The following ADRA1B variants were observed in gnomAD, a reference collection of about 807,000 sequenced individuals.
The protein encoded by ADRA1B is adrenoceptor alpha 1B, also known as alpha-1B adrenergic receptor.
ADRA1B carries 17 observed loss-of-function variants against 17.9 expected under a neutral mutation model. The observed-to-expected ratio is 0.95, with a 90% CI of 0.65 to 1.42. The LOEUF (loss-of-function observed/expected upper bound fraction) is 1.42, where lower values mean the gene tolerates loss of function less well. Among genes scored for constraint, ADRA1B ranks in the 40% most tolerant of loss-of-function variants. The pLI is 0.00. For synonymous variants in ADRA1B, 366 were observed against 327.6 expected (o/e 1.12, Z -1.27); for missense variants, 681 against 722.1 (o/e 0.94, Z 0.65).
chr5:159,958,569 T>C (rs1187879727), intron 1 of ADRA1B, among the ~76,000 whole-genome samples: 1 of 152,226 alleles, frequency 6.6e-6, no homozygotes, highest in Non-Finnish European at 1.5e-5. Flanking sequence ...ATTTTTCTCA[T>C]GGTTATTCTT....
intron 1 of ADRA1B, among the ~76,000 whole-genome samples, chr5:159,879,363 C>G (rs951833548): frequency 6.6e-6 from 1 of 152,140 alleles, no homozygotes; most frequent in African/African-American, 2.4e-5. Flanking sequence ...CAGCAACAGG[C>G]GCCTGCCTGT....
chr5:159,916,426 CT>C (rs1754305046), upstream of ADRA1B: 1 of 151,878 alleles, frequency 6.6e-6, no homozygotes, highest in Non-Finnish European at 1.5e-5. Context: ...GCATTGCCCC[CT>C]AGTGCCGCGC....
At chr5:159,939,322 TGC>T (rs542707574) in intron 1 of ADRA1B, among the ~76,000 whole-genome samples, 294 of 107,624 alleles carry the variant, frequency 2.7e-3, no homozygotes, top group Non-Finnish European at 4.5e-3. Context: ...TGTGTGTGTG[TGC>T]GCGCGCGCGC....
chr5:159,938,760 C>A (rs192269549), intron 1 of ADRA1B, among the ~76,000 whole-genome samples: 5 of 152,326 alleles, frequency 3.3e-5, no homozygotes, highest in South Asian at 2.1e-4. Flanking sequence ...TTTCACTGGG[C>A]AAGCTGCTTG....
the ADRA1B span, among the ~76,000 whole-genome samples, chr5:159,981,248 T>G: frequency 6.6e-6 from 1 of 152,126 alleles, no homozygotes; most frequent in African/African-American, 2.4e-5. Context: ...GGGTGGGCAC[T>G]TTTTGCAAAT....
rs780501117 is a variant in ADRA1B, at chr5:159,917,355, T to C, written c.450T>C (p.Ser150=). 1.2e-6 allele frequency: 2 copies of C among 1,614,142 alleles called. No individual in the cohort carries two copies. The highest frequency in any genetic ancestry group is 2.2e-5 in the East Asian group (1 of 44,874). The change falls in exon 1 of 2, where the codon TCT becomes TCC. Residue 150 remains serine (S), a synonymous_variant. Coordinates refer to ENST00000306675, the MANE Select transcript of ADRA1B (RefSeq NM_000679.4). ...ATCGCTACATCGGGGTGCGCTACTC[T>C]CTGCAGTATCCCACGCTGGTCACCC... ...SIDRYIGVRY[S]LQYPTLVTRR...
chr5:159,867,988 G>A (rs145648852), intron 1 of ADRA1B: 1 of 152,216 alleles, frequency 6.6e-6, no homozygotes, highest in East Asian at 1.9e-4. Flanking sequence ...AAAATTCTAG[G>A]GACTGAGAGA....
At chr5:159,960,098 C>T (rs149547823) in intron 1 of ADRA1B, among the ~76,000 whole-genome samples, 25 of 152,256 alleles carry the variant, frequency 1.6e-4, no homozygotes, top group African/African-American at 4.8e-4. Flanking sequence ...ATTAATAGGT[C>T]GGGTGTGTAA....
At chr5:159,876,217 C>A (rs929943681) in intron 1 of ADRA1B, among the ~76,000 whole-genome samples, 1 of 152,116 alleles carries the variant, frequency 6.6e-6, no homozygotes, top group East Asian at 1.9e-4. Flanking sequence ...ACAATAAGGA[C>A]TTTTATTACT....
chr5:159,901,377 AAGGAGG>A (rs1203694374), intron 1 of ADRA1B, among the ~76,000 whole-genome samples: 3,080 of 122,796 alleles, frequency 0.025, 55 homozygotes, highest in Middle Eastern at 0.064. Context: ...CAAGAAGAGG[AAGGAGG>A]AGGAGGAGGA....
intron 1 of ADRA1B, among the ~76,000 whole-genome samples, chr5:159,874,753 TG>T (rs1351695123): frequency 8.5e-5 from 13 of 152,158 alleles, no homozygotes; most frequent in Non-Finnish European, 1.6e-4. Flanking sequence ...CTTGCCCCCT[TG>T]GGGGTCAGAG....
intron 1 of ADRA1B, 69 bp downstream of exon 1, chr5:159,917,923 T>A: frequency 7.4e-7 from 1 of 1,346,508 alleles, no homozygotes; most frequent in Non-Finnish European, 1.0e-6. Context: ...GAGCTTACTC[T>A]AAAGTTTTTT....
At chr5:159,963,430 G>A (rs573194278) in intron 1 of ADRA1B, among the ~76,000 whole-genome samples, 72 of 151,994 alleles carry the variant, frequency 4.7e-4, no homozygotes, top group Non-Finnish European at 9.0e-4. Flanking sequence ...CTGTGGCCTC[G>A]GGCAACTTAC....
intron 1 of ADRA1B, among the ~76,000 whole-genome samples, chr5:159,924,499 G>T (rs890255360): frequency 2.6e-5 from 4 of 152,152 alleles, no homozygotes; most frequent in African/African-American, 9.7e-5. Context: ...AAGGAAGGAG[G>T]GCTGGGTGAA....
rs1311995237 is a variant in ADRA1B at position 159,966,546 on chromosome 5, G to A, written c.950-5333G>A. The stretch of plus-strand genomic sequence containing the variant: ...GAGGACTTGTTCAGGGTGCAAAGGA[G>A]GACAAAATAAAATGAAATGCAAATG... On this transcript the variant is annotated intron_variant, in intron 1 of 1. Coordinates refer to ENST00000306675, the MANE Select transcript of ADRA1B (RefSeq NM_000679.4). Among the ~76,000 whole-genome samples, 10 of 152,114 alleles carry A rather than the reference G, an allele frequency of 6.6e-5. No homozygotes were observed. The East Asian group carries it at 1.9e-3, about 29-fold the overall frequency.
intron 1 of ADRA1B, among the ~76,000 whole-genome samples, chr5:159,962,364 CTGGTGCTGCCATCTGTCT>C (rs1391928891): frequency 6.6e-6 from 1 of 152,066 alleles, no homozygotes; most frequent in Non-Finnish European, 1.5e-5. Context: ...GGACCTCAGA[CTGGTGCTGCCATCTGTCT>C]GAGTGGTGCT....
intron 1 of ADRA1B, among the ~76,000 whole-genome samples, chr5:159,962,181 G>C (rs564995094): frequency 4.3e-4 from 66 of 152,270 alleles, no homozygotes; most frequent in African/African-American, 1.5e-3. Context: ...CTGGGCAACA[G>C]AGTGAGACCC....
chr5:159,962,837 ATTTTT>A (rs756263225), intron 1 of ADRA1B, among the ~76,000 whole-genome samples: 3 of 43,010 alleles, frequency 7.0e-5, no homozygotes, highest in East Asian at 7.4e-4. Flanking sequence ...ACACCTGGCT[ATTTTT>A]TTTTTTTTTT....
chr5:159,977,746 A>G (rs1299175048), downstream of ADRA1B, among the ~76,000 whole-genome samples: 2 of 152,116 alleles, frequency 1.3e-5, no homozygotes, highest in African/African-American at 4.8e-5. Flanking sequence ...TGTTGGGGTG[A>G]GGAGGGGGCA....
Sources: allele counts gnomAD v4.1 joint callset (sites outside exome capture counted in the v4.1 genomes callset), GRCh38; gene constraint gnomAD v4.1.1; transcripts MANE v1.5; gene names NCBI Gene and HGNC (gene_info 2026-07-23, HGNC 2026-07-21).